The following SCHIP1 variants were observed in gnomAD, a reference collection of about 807,000 sequenced individuals.
SCHIP1 encodes the protein schwannomin interacting protein 1, also known as schwannomin-interacting protein 1.
Under a neutral mutation model 29.7 loss-of-function variants are expected in SCHIP1, and 8 were observed. That is an observed-to-expected ratio of 0.27 (90% CI 0.16 to 0.49). SCHIP1 has a LOEUF of 0.49. Among genes scored for constraint, SCHIP1 ranks in the 20% least tolerant of loss-of-function variants. The pLI is 0.99. For synonymous variants in SCHIP1, 76 were observed against 94.9 expected (o/e 0.80, Z 1.16); for missense variants, 193 against 294.6 (o/e 0.66, Z 2.52).
At chr3:159,479,992 A>G in the SCHIP1 span, among the ~76,000 whole-genome samples, 4 of 152,154 alleles carry the variant, frequency 2.6e-5, no homozygotes, top group Admixed American at 1.3e-4. Context: ...TCTCAGGATC[A>G]CTCAGCTAGT....
chr3:159,784,408 A>G, the SCHIP1 span, among the ~76,000 whole-genome samples: 1 of 152,214 alleles, frequency 6.6e-6, no homozygotes, highest in African/African-American at 2.4e-5. Context: ...TCATCTTGAC[A>G]CTATAAGGAA....
At chr3:159,510,272 C>T in the SCHIP1 span, among the ~76,000 whole-genome samples, 2 of 152,200 alleles carry the variant, frequency 1.3e-5, no homozygotes, top group Non-Finnish European at 2.9e-5. Context: ...GCTACTGAAG[C>T]TTGTGCTTTC....
chr3:159,665,912 G>T, the SCHIP1 span, among the ~76,000 whole-genome samples: 1 of 152,290 alleles, frequency 6.6e-6, no homozygotes, highest in African/African-American at 2.4e-5. Flanking sequence ...GCCTGCTCAG[G>T]TTAGGCGTCT....
chr3:159,463,139 A>G, the SCHIP1 span, among the ~76,000 whole-genome samples: 46 of 151,934 alleles, frequency 3.0e-4, no homozygotes, highest in African/African-American at 1.1e-3. Flanking sequence ...TATATACAGT[A>G]TATAGTTCAT....
chr3:159,285,609 A>G, the SCHIP1 span, among the ~76,000 whole-genome samples: 1 of 152,032 alleles, frequency 6.6e-6, no homozygotes, highest in African/African-American at 2.4e-5. Context: ...TCTCATATCA[A>G]TTATATTTTA....
the SCHIP1 span, among the ~76,000 whole-genome samples, chr3:159,570,705 G>A: frequency 6.6e-6 from 1 of 152,158 alleles, no homozygotes; most frequent in South Asian, 2.1e-4. Flanking sequence ...GCTTGATGGG[G>A]ATGGCATTGA....
the SCHIP1 span, among the ~76,000 whole-genome samples, chr3:159,607,679 C>T: frequency 6.6e-6 from 1 of 152,028 alleles, no homozygotes; most frequent in Non-Finnish European, 1.5e-5. Context: ...GAAACCTAAG[C>T]GTAGGAGGAC....
the SCHIP1 span, among the ~76,000 whole-genome samples, chr3:159,320,617 T>G: frequency 6.9e-6 from 1 of 144,948 alleles, no homozygotes; most frequent in Non-Finnish European, 1.5e-5. Flanking sequence ...CTTTTTTTTT[T>G]CCCCCTGTTA....
the SCHIP1 span, among the ~76,000 whole-genome samples, chr3:159,810,248 T>C: frequency 6.6e-6 from 1 of 152,148 alleles, no homozygotes; most frequent in Admixed American, 6.5e-5. Flanking sequence ...GGTTTCACTA[T>C]GTTGGCCAGG....
the SCHIP1 span, among the ~76,000 whole-genome samples, chr3:159,337,612 T>C: frequency 6.6e-6 from 1 of 152,078 alleles, no homozygotes; most frequent in African/African-American, 2.4e-5. Context: ...TCAAAGAGAA[T>C]AAAATACCTA....
chr3:159,493,275 C>T, the SCHIP1 span, among the ~76,000 whole-genome samples: 1 of 152,276 alleles, frequency 6.6e-6, no homozygotes, highest in African/African-American at 2.4e-5. Flanking sequence ...TTCAAATGGG[C>T]TAAATGCTCC....
At chr3:159,375,789 GT>G in the SCHIP1 span, 13 of 887,796 alleles carry the variant, frequency 1.5e-5, no homozygotes, top group Admixed American at 6.2e-5. Flanking sequence ...ACTAGGATGG[GT>G]TTTTGGAGTT....
At chr3:159,518,960 T>C in the SCHIP1 span, among the ~76,000 whole-genome samples, 1 of 152,102 alleles carries the variant, frequency 6.6e-6, no homozygotes, top group Admixed American at 6.6e-5. Flanking sequence ...GCCAAAATAA[T>C]ATTTACATGT....
the SCHIP1 span, among the ~76,000 whole-genome samples, chr3:159,732,118 T>G: frequency 6.6e-6 from 1 of 152,224 alleles, no homozygotes; most frequent in Non-Finnish European, 1.5e-5. Flanking sequence ...AGTGCTGGAA[T>G]TACAGGCGTG....
chr3:159,740,548 C>G, the SCHIP1 span, among the ~76,000 whole-genome samples: 1 of 152,040 alleles, frequency 6.6e-6, no homozygotes. Flanking sequence ...GAGTCAGCCC[C>G]CTGCCCCCAA....
At chr3:159,520,047 G>A in the SCHIP1 span, among the ~76,000 whole-genome samples, 1 of 147,736 alleles carries the variant, frequency 6.8e-6, no homozygotes, top group Non-Finnish European at 1.5e-5. Context: ...CAGACACTAT[G>A]CTATTGCCAG....
the SCHIP1 span, among the ~76,000 whole-genome samples, chr3:159,335,396 G>A: frequency 1.3e-5 from 2 of 151,992 alleles, no homozygotes; most frequent in African/African-American, 4.8e-5. Flanking sequence ...CAATGCACAG[G>A]TTAGTTACAT....
At chr3:159,658,364 A>G in the SCHIP1 span, among the ~76,000 whole-genome samples, 1 of 152,248 alleles carries the variant, frequency 6.6e-6, no homozygotes, top group Admixed American at 6.5e-5. Flanking sequence ...GATATTTAAA[A>G]TAATGGTTGG....
At chr3:159,279,215 A>T in the SCHIP1 span, among the ~76,000 whole-genome samples, 1 of 152,152 alleles carries the variant, frequency 6.6e-6, no homozygotes, top group Admixed American at 6.5e-5. Flanking sequence ...TGCTGTTCTC[A>T]TGATAGTGAG....
Sources: allele counts gnomAD v4.1 joint callset (sites outside exome capture counted in the v4.1 genomes callset), GRCh38; gene constraint gnomAD v4.1.1; transcripts MANE v1.5; gene names NCBI Gene and HGNC (gene_info 2026-07-23, HGNC 2026-07-21).